Variants in MB21D2 observed in about 807,000 individuals in gnomAD.
MB21D2 encodes the protein nucleotidyltransferase MB21D2.
A neutral mutation model predicts 33.3 loss-of-function variants in MB21D2; 9 were observed. The observed-to-expected ratio is 0.27, with a 90% CI of 0.16 to 0.47. The LOEUF (loss-of-function observed/expected upper bound fraction) is 0.47. Ranked by LOEUF, MB21D2 falls within the 20% of genes least tolerant of loss-of-function variation. The pLI is 0.99. For missense variants in MB21D2, 540 were observed against 624.6 expected, an observed-to-expected ratio of 0.86 and a Z score of 1.44; for synonymous variants, 241 against 236.3, an observed-to-expected ratio of 1.02 and a Z score of -0.18.
chr3:192,864,804 A>T (rs544795928), intron 1 of MB21D2, among the ~76,000 whole-genome samples: 2 of 152,120 alleles, frequency 1.3e-5, no homozygotes, highest in East Asian at 3.9e-4. Flanking sequence ...ACCATGCCTG[A>T]TCCCAACTCC....
intron 1 of MB21D2, among the ~76,000 whole-genome samples, chr3:192,915,307 TA>T (rs141755115): frequency 0.014 from 2,114 of 152,032 alleles, 48 homozygotes; most frequent in African/African-American, 0.048. Flanking sequence ...ACAAAGTGTA[TA>T]AAAAAAATGA....
rs900159229 is a variant in MB21D2, at chr3:192,822,814, G to A, written c.212-23164C>T. ...GGTACTGCTGGTAGTTAGAGGCCAC[G>A]CAGCTAGTCAGTGTTAGAACTAAGA... On this transcript the variant is annotated intron_variant, in intron 1 of 1. Transcript: ENST00000392452. Among the ~76,000 whole-genome samples, 5 of 152,302 alleles carry A rather than the reference G, an allele frequency of 3.3e-5. No individual in the cohort carries two copies. In the South Asian group the frequency reaches 6.2e-4, roughly 19 times the overall value.
chr3:192,886,817 A>G (rs1014100878), intron 1 of MB21D2, among the ~76,000 whole-genome samples: 39 of 152,136 alleles, frequency 2.6e-4, no homozygotes, highest in Non-Finnish European at 4.9e-4. Flanking sequence ...TTTTACCTAA[A>G]ATAACGAAAG....
intron 1 of MB21D2, among the ~76,000 whole-genome samples, chr3:192,900,973 C>G (rs1390818102): frequency 6.6e-6 from 1 of 151,510 alleles, no homozygotes; most frequent in Non-Finnish European, 1.5e-5. Context: ...ACAAAGGTCT[C>G]CAAGGCCTCT....
Position 192,798,546 on chromosome 3 carries a change from G to A in MB21D2, c.1316C>T (p.Ser439Phe), listed in dbSNP as rs749578713. 1 of 1,614,212 alleles carries A rather than the reference G, an allele frequency of 6.2e-7. No individual in the cohort carries two copies. The highest frequency in any genetic ancestry group is 8.5e-7 in the Non-Finnish European group (1 of 1,180,046). ...GGGGTCCCCTCCGTCAGACTGTGGA[G>A]AGGGGATGCTGGTGGTGCTACCTCG... Reference protein sequence around the residue: ...QRRGSTTSIPSPQSDGGDPNQ... With the variant: ...QRRGSTTSIPFPQSDGGDPNQ... The change falls in exon 2 of 2, where the codon TCT becomes TTT. Residue 439 changes from serine (S) to phenylalanine (F), a missense_variant. Coordinates refer to ENST00000392452, the MANE Select transcript of MB21D2 (RefSeq NM_178496.4). This position sits in a 1 kb window ranked among gnomAD's most constrained non-coding sequence, Gnocchi z 4.8.
chr3:192,880,026 C>G (rs1713526017), intron 1 of MB21D2, among the ~76,000 whole-genome samples: 1 of 152,092 alleles, frequency 6.6e-6, no homozygotes, highest in African/African-American at 2.4e-5. Context: ...TCTTGCCTCA[C>G]CAGTGGCTAC....
rs201527436 is a variant in MB21D2, at chr3:192,798,526, C to A, written c.1336G>T (p.Asp446Tyr). 6.2e-7 allele frequency: 1 copy of A among 1,614,150 alleles called. No homozygotes were observed. Among genetic ancestry groups the A allele is most frequent in the Non-Finnish European group, 8.5e-7 (1 of 1,180,026 alleles). The change falls in exon 2 of 2, where the codon GAC becomes TAC. Residue 446 changes from aspartate (D) to tyrosine (Y), a missense_variant. Physicochemically the swap from Asp to Tyr is radical, Grantham distance 160. Transcript: ENST00000392452. This position sits in a 1 kb window ranked among gnomAD's most constrained non-coding sequence, Gnocchi z 4.8. ...SIPSPQSDGG[D>Y]PNQPDDRLAK... ...AAACGGTCATCAGGCTGGTTGGGGTCCCCTCCGTCAGACTGTGGAGAGGGG... is the reference window on the plus strand; with the variant it reads ...AAACGGTCATCAGGCTGGTTGGGGTACCCTCCGTCAGACTGTGGAGAGGGG...
intron 1 of MB21D2, among the ~76,000 whole-genome samples, chr3:192,813,539 T>C (rs1347926999): frequency 6.6e-6 from 1 of 152,140 alleles, no homozygotes; most frequent in Non-Finnish European, 1.5e-5. Context: ...ATATATTGTA[T>C]GACGCTTTGC....
intron 1 of MB21D2, among the ~76,000 whole-genome samples, chr3:192,880,258 A>G (rs1713531037): frequency 6.6e-6 from 1 of 151,314 alleles, no homozygotes; most frequent in Non-Finnish European, 1.5e-5. Flanking sequence ...GAGGCAGGAG[A>G]ATCGCTTGAA....
chr3:192,871,643 G>A (rs1418844249), intron 1 of MB21D2, among the ~76,000 whole-genome samples: 3 of 152,156 alleles, frequency 2.0e-5, no homozygotes, highest in Admixed American at 6.5e-5. Flanking sequence ...AGCCAAGAGT[G>A]GTCAGGATAA....
chr3:192,834,420 TCAA>T (rs773625725), intron 1 of MB21D2, among the ~76,000 whole-genome samples: 1 of 72,468 alleles, frequency 1.4e-5, no homozygotes, highest in African/African-American at 1.1e-4. Context: ...CCCAGTTATA[TCAA>T]AAAAAAAAAA....
chr3:192,897,378 GC>G (rs1300139563), intron 1 of MB21D2, among the ~76,000 whole-genome samples: 1 of 152,150 alleles, frequency 6.6e-6, no homozygotes, highest in African/African-American at 2.4e-5. Context: ...CTGACAGGAG[GC>G]CCCACTAACC....
chr3:192,841,612 C>A (rs1712574288), intron 1 of MB21D2, among the ~76,000 whole-genome samples: 1 of 152,250 alleles, frequency 6.6e-6, no homozygotes, highest in Non-Finnish European at 1.5e-5. Context: ...AAGGCTGCGG[C>A]TCTGGCCGAT....
chr3:192,866,449 T>C (rs1713170706), intron 1 of MB21D2, among the ~76,000 whole-genome samples: 3 of 152,198 alleles, frequency 2.0e-5, no homozygotes, highest in Non-Finnish European at 4.4e-5. Context: ...CAAAGAATGT[T>C]ACATTTAATT....
rs144780097 is a variant in MB21D2 at position 192,883,415 on chromosome 3, G to A, written c.211+34215C>T. 7.2e-3 allele frequency among the ~76,000 whole-genome samples: 1,098 copies of A among 152,026 alleles called. 21 individuals carry two copies. Among genetic ancestry groups the A allele is most frequent in the African/African-American group, 0.025 (1,042 of 41,278 alleles). ...ATCTAGTTTGTAGCATAGCATGAGA[G>A]TAAAACATATACATAAACATTTATA... is the stretch of plus-strand genomic sequence containing the variant. On this transcript the variant is annotated intron_variant, in intron 1 of 1. Coordinates refer to ENST00000392452, the MANE Select transcript of MB21D2 (RefSeq NM_178496.4).
intron 1 of MB21D2, among the ~76,000 whole-genome samples, chr3:192,812,935 G>C (rs1268691665): frequency 6.6e-6 from 1 of 152,152 alleles, no homozygotes; most frequent in East Asian, 1.9e-4. Flanking sequence ...AAACTGCCAG[G>C]AGATGGCATC....
chr3:192,916,120 A>ATATG (rs1553863497), intron 1 of MB21D2, among the ~76,000 whole-genome samples: 2 of 148,892 alleles, frequency 1.3e-5, no homozygotes, highest in Admixed American at 1.3e-4. Flanking sequence ...ATATATATAT[A>ATATG]TTTAATTCAT....
At chr3:192,863,693 T>C (rs1454642778) in intron 1 of MB21D2, among the ~76,000 whole-genome samples, 4 of 152,008 alleles carry the variant, frequency 2.6e-5, no homozygotes, top group Non-Finnish European at 4.4e-5. Flanking sequence ...AAGGTGATGA[T>C]TATTGGGAGA....
intron 1 of MB21D2, among the ~76,000 whole-genome samples, chr3:192,891,471 A>G (rs1713853130): frequency 6.6e-6 from 1 of 152,168 alleles, no homozygotes; most frequent in African/African-American, 2.4e-5. Context: ...AGCTGGTAAA[A>G]GAAAGGCAAA....
Sources: gnomAD v4.1 joint callset for allele counts (sites outside exome capture counted in the v4.1 genomes callset) on GRCh38, gnomAD v4.1.1 for gene constraint, Gnocchi (gnomAD v3.1) non-coding constraint, MANE v1.5 for transcripts, NCBI Gene and HGNC (gene_info 2026-07-23, HGNC 2026-07-21) for gene names.